The following CNIH3 variants were observed in gnomAD, a reference collection of about 807,000 sequenced individuals.
The protein encoded by CNIH3 is cornichon family AMPA receptor auxiliary protein 3.
Under a neutral mutation model 24.1 loss-of-function variants are expected in CNIH3, and 14 were observed. The observed-to-expected ratio is 0.58, with a 90% CI of 0.38 to 0.91. The LOEUF is 0.91. CNIH3 is among the 40% of genes least tolerant of loss of function. The probability of loss-of-function intolerance (pLI) is 0.00; values close to 1 mark genes in which losing one functional copy is unlikely to be tolerated. For missense variants in CNIH3, 178 were observed against 196.8 expected (o/e 0.90, Z 0.57); for synonymous variants, 68 against 73.8 (o/e 0.92, Z 0.40).
intron 1 of CNIH3, among the ~76,000 whole-genome samples, chr1:224,660,948 C>G (rs7551323): frequency 6.6e-6 from 1 of 152,192 alleles, no homozygotes; most frequent in Non-Finnish European, 1.5e-5. Context: ...AAAGTGCATA[C>G]AGATATTTAC....
At chr1:224,468,921 G>A (rs184011508) in intron 1 of CNIH3, among the ~76,000 whole-genome samples, 2 of 151,414 alleles carry the variant, frequency 1.3e-5, no homozygotes, top group African/African-American at 4.9e-5. Context: ...TAATTATGCT[G>A]TTACCTGTAG....
chr1:224,593,825 G>C (rs577987729), intron 3 of CNIH3, among the ~76,000 whole-genome samples: 1 of 152,316 alleles, frequency 6.6e-6, no homozygotes, highest in East Asian at 1.9e-4. Flanking sequence ...CCCCTCTGTT[G>C]CTGTTCTTAT....
intron 5 of CNIH3, among the ~76,000 whole-genome samples, chr1:224,736,215 T>C (rs568683790): frequency 1.8e-4 from 28 of 152,256 alleles, no homozygotes; most frequent in Admixed American, 1.5e-3. Flanking sequence ...AACCTTGAAC[T>C]CCAGGCTCAA....
chr1:224,533,257 A>T (rs1679148391), intron 2 of CNIH3, among the ~76,000 whole-genome samples: 1 of 148,692 alleles, frequency 6.7e-6, no homozygotes, highest in African/African-American at 2.6e-5. Flanking sequence ...AAAAAAAAAA[A>T]TAAAATAAAA....
intron 3 of CNIH3, among the ~76,000 whole-genome samples, chr1:224,599,645 GC>G (rs1682128755): frequency 6.6e-6 from 1 of 151,554 alleles, no homozygotes; most frequent in East Asian, 1.9e-4. Flanking sequence ...ATTTATAATT[GC>G]TTTGTTTCAA....
chr1:224,488,474 G>A (rs12065739), intron 1 of CNIH3, among the ~76,000 whole-genome samples: 5 of 120,516 alleles, frequency 4.1e-5, no homozygotes, highest in African/African-American at 9.2e-5. Context: ...TTTGGGGGGT[G>A]GGGGGGAACA....
chr1:224,519,687 G>A (rs1678545024), intron 1 of CNIH3, among the ~76,000 whole-genome samples: 1 of 149,794 alleles, frequency 6.7e-6, no homozygotes, highest in Non-Finnish European at 1.5e-5. Context: ...ATATGTATAT[G>A]TATACTATAT....
chr1:224,471,358 A>AT (rs1391951218), intron 1 of CNIH3, among the ~76,000 whole-genome samples: 3 of 151,868 alleles, frequency 2.0e-5, no homozygotes, highest in Admixed American at 2.0e-4. Context: ...CATTCATTCT[A>AT]TTTTTTTGTA....
chr1:224,506,283 G>GCACACACA (rs879719993), intron 1 of CNIH3, among the ~76,000 whole-genome samples: 18 of 77,998 alleles, frequency 2.3e-4, no homozygotes, highest in African/African-American at 7.5e-4. Flanking sequence ...GCGCGCGCGC[G>GCACACACA]CGCGCACACA....
chr1:224,730,529 T>C lies in CNIH3; in HGVS notation c.266T>C (p.Leu89Pro). The change falls in exon 4 of 6, where the codon CTC (leucine) becomes CCC (proline). Residue 89 changes from leucine (L) to proline (P), a missense_variant. By Grantham distance (98) the Leu-to-Pro change is moderately conservative. Transcript: ENST00000272133. ...CIMFLCAQEW[L>P]TLGLNVPLLF... ...ATGTTCCTGTGTGCGCAAGAGTGGC[T>C]CACGCTGGGGCTGAATGTCCCTCTA... is the stretch of plus-strand genomic sequence containing the variant. The C allele has an allele frequency of 6.4e-7, 1 of 1,561,018 alleles. No individual in the cohort carries two copies.
chr1:224,523,512 A>T (rs1215345707), intron 2 of CNIH3, among the ~76,000 whole-genome samples: 1 of 152,176 alleles, frequency 6.6e-6, no homozygotes, highest in Non-Finnish European at 1.5e-5. Context: ...TGGTGTTAGA[A>T]CTCAAGTGAA....
At chr1:224,481,182 TACTC>T (rs554779318) in intron 1 of CNIH3, among the ~76,000 whole-genome samples, 6 of 152,324 alleles carry the variant, frequency 3.9e-5, no homozygotes, top group African/African-American at 1.4e-4. Context: ...TCATGAGACT[TACTC>T]ACTATCATGA....
rs3065475 is a variant in CNIH3 at position 224,459,881 on chromosome 1, A to ATTT, written n.203+25033_203+25035dup. 6.1e-3 allele frequency among the ~76,000 whole-genome samples: 827 copies of ATTT among 136,132 alleles called. 12 individuals are homozygous for ATTT. Among genetic ancestry groups the ATTT allele is most frequent in the African/African-American group, 0.021 (741 of 36,144 alleles). The allele number at this position is 136,132 out of a possible 152,430, so 89.3% of individuals were successfully genotyped here. The stretch of plus-strand genomic sequence containing the variant: ...GGGTTGTTAGAGTCATGGAACCCCT[A>ATTT]TTTTTTTTTTTTTTTTGACCGGGTC... On this transcript the variant is annotated intron_variant and non_coding_transcript_variant, in intron 1 of 5. Transcript: ENST00000471578.
At chr1:224,725,582 G>T (rs1474117644) in intron 3 of CNIH3, among the ~76,000 whole-genome samples, 1 of 152,166 alleles carries the variant, frequency 6.6e-6, no homozygotes, top group East Asian at 1.9e-4. Flanking sequence ...TCAGTGCCAG[G>T]AGCTTCCCTG....
At chr1:224,500,971 C>A (rs1677640961) in intron 1 of CNIH3, among the ~76,000 whole-genome samples, 1 of 152,190 alleles carries the variant, frequency 6.6e-6, no homozygotes, top group South Asian at 2.1e-4. Flanking sequence ...TCCATGCCTC[C>A]CCTTCTGCCA....
At chr1:224,528,560 T>G (rs1678935532) in intron 2 of CNIH3, among the ~76,000 whole-genome samples, 2 of 152,142 alleles carry the variant, frequency 1.3e-5, no homozygotes, top group Admixed American at 1.3e-4. Flanking sequence ...TGGCTTCAAG[T>G]GATCCACCTC....
chr1:224,506,285 G>GCA (rs61334962), intron 1 of CNIH3, among the ~76,000 whole-genome samples: 87,228 of 143,322 alleles, frequency 0.61, 27,153 homozygotes, highest in East Asian at 0.82. Flanking sequence ...GCGCGCGCGC[G>GCA]CGCACACACA....
Position 224,703,782 on chromosome 1 carries a change from G to A in CNIH3, c.198+18939G>A, listed in dbSNP as rs923534675. On this transcript the variant is annotated intron_variant, in intron 3 of 5. Coordinates refer to ENST00000272133, the MANE Select transcript of CNIH3 (RefSeq NM_152495.2). This position sits in a 1 kb window ranked among gnomAD's most constrained non-coding sequence, Gnocchi z 4.2. ...ATACATGTGAACATTTCCTGGTTCT[G>A]CAGGATTCTGTTGACTCTGTTAGCC... is the stretch of plus-strand genomic sequence containing the variant. 6.6e-6 allele frequency among the ~76,000 whole-genome samples: 1 copy of A among 152,152 alleles called. No individual in the cohort carries two copies.
intron 3 of CNIH3, among the ~76,000 whole-genome samples, chr1:224,550,877 C>T (rs543799940): frequency 1.1e-3 from 151 of 140,488 alleles, no homozygotes; most frequent in Non-Finnish European, 1.8e-3. Flanking sequence ...CAACAGGCCC[C>T]GGTGTGTGAT....
Sources: allele counts gnomAD v4.1 joint callset (sites outside exome capture counted in the v4.1 genomes callset), GRCh38; gene constraint gnomAD v4.1.1; non-coding constraint Gnocchi (gnomAD v3.1); transcripts MANE v1.5; gene names NCBI Gene and HGNC (gene_info 2026-07-23, HGNC 2026-07-21).